PDGFD: variants seen among roughly 807,000 people sequenced by gnomAD.
PDGFD encodes platelet derived growth factor D, also known as platelet-derived growth factor D.
In PDGFD, 30 loss-of-function variants were observed where a neutral mutation model predicts 44.7. The observed-to-expected ratio is 0.67, with a 90% confidence interval of 0.50 to 0.91. The LOEUF is 0.91. Ranked by LOEUF, PDGFD falls within the 40% of genes least tolerant of loss-of-function variation. The pLI, the probability that PDGFD is intolerant of heterozygous loss-of-function variation, is 0.00. For synonymous variants in PDGFD, 173 were observed against 168.4 expected (o/e 1.03, Z -0.21); for missense variants, 445 against 457.8 (o/e 0.97, Z 0.25).
intron 1 of PDGFD, among the ~76,000 whole-genome samples, chr11:104,106,782 T>C (rs902571903): frequency 4.6e-5 from 7 of 151,846 alleles, no homozygotes; most frequent in Admixed American, 4.6e-4. Context: ...CTCACTCTGT[T>C]GCCCAGGTTG....
Position 104,003,636 on chromosome 11 carries a change from G to A in PDGFD, c.125-3381C>T, listed in dbSNP as rs139049901. The stretch of plus-strand genomic sequence containing the variant: ...TTATTGATACTCAAGGATGCTGCCA[G>A]GGGAAACATTTTTAGAGGAATGTAA... On this transcript the variant is annotated intron_variant, in intron 1 of 6. Transcript: ENST00000393158. Among the ~76,000 whole-genome samples, 816 of 152,328 alleles carry A rather than the reference G, an allele frequency of 5.4e-3. 3 individuals carry two copies. The highest frequency in any genetic ancestry group is 0.018 in the African/African-American group (769 of 41,568).
chr11:104,005,597 A>G (rs894811600), intron 1 of PDGFD, among the ~76,000 whole-genome samples: 1 of 152,216 alleles, frequency 6.6e-6, no homozygotes, highest in East Asian at 1.9e-4. Context: ...AACAGCTAAC[A>G]TTTCTGGAGC....
rs1282485605 is a variant in PDGFD at position 104,119,382 on chromosome 11, TATATA to T, written c.124+44417_124+44421del. Among the ~76,000 whole-genome samples the T allele has an allele frequency of 3.1e-3, 12 of 3,874 alleles. 5 individuals carry two copies. The highest frequency in any genetic ancestry group is 0.015 in the Admixed American group (2 of 130). The allele number at this position is 3,874 out of a possible 152,430, so 2.5% of individuals were successfully genotyped here. A position where few individuals can be genotyped will look rare whatever the true frequency, so the allele number is the denominator to read the frequency against. On this transcript the variant is annotated intron_variant, in intron 1 of 6. Transcript: ENST00000393158. ...ATATTGATATAATATATTGATATAA[TATATA>T]ATATGATATAATATATAATATAATA...
intron 1 of PDGFD, among the ~76,000 whole-genome samples, chr11:104,099,789 T>TA (rs1330325176): frequency 6.6e-6 from 1 of 151,890 alleles, no homozygotes; most frequent in African/African-American, 2.4e-5. Context: ...TTATAATTAT[T>TA]AAAAAATGAA....
chr11:104,047,920 CA>C (rs2134403975), intron 1 of PDGFD, among the ~76,000 whole-genome samples: 1 of 152,058 alleles, frequency 6.6e-6, no homozygotes, highest in East Asian at 1.9e-4. Context: ...CATAGTTGGC[CA>C]AATGATTATA....
At chr11:104,074,775 T>C (rs1485316770) in intron 1 of PDGFD, among the ~76,000 whole-genome samples, 3 of 152,126 alleles carry the variant, frequency 2.0e-5, no homozygotes, top group Admixed American at 2.0e-4. Flanking sequence ...AACAAAATTC[T>C]TCAAAAAGGA....
chr11:104,142,842 G>A (rs1268558860), intron 1 of PDGFD, among the ~76,000 whole-genome samples: 1 of 152,184 alleles, frequency 6.6e-6, no homozygotes, highest in Admixed American at 6.5e-5. Flanking sequence ...GGGCAATGAT[G>A]TAGGCTGTGG....
chr11:103,925,260 A>C (rs1243753555), intron 6 of PDGFD, among the ~76,000 whole-genome samples: 1 of 152,178 alleles, frequency 6.6e-6, no homozygotes, highest in African/African-American at 2.4e-5. Context: ...TGCTGCAATA[A>C]ACATATGTGT....
intron 1 of PDGFD, among the ~76,000 whole-genome samples, chr11:104,067,660 A>T (rs1450228551): frequency 1.3e-5 from 2 of 152,136 alleles, no homozygotes; most frequent in Non-Finnish European, 2.9e-5. Flanking sequence ...TAATTCCAAA[A>T]AATATTAGAT....
chr11:104,143,100 T>G (rs780627596), intron 1 of PDGFD, among the ~76,000 whole-genome samples: 2 of 152,194 alleles, frequency 1.3e-5, no homozygotes, highest in Non-Finnish European at 2.9e-5. Flanking sequence ...CAATAGGATA[T>G]TGTCGTTAAT....
At chr11:103,923,245 A>AG (rs1310471658) in intron 6 of PDGFD, among the ~76,000 whole-genome samples, 2 of 152,188 alleles carry the variant, frequency 1.3e-5, no homozygotes, top group African/African-American at 4.8e-5. Flanking sequence ...GTTTAGAAAG[A>AG]GGAAAAATAC....
intron 1 of PDGFD, among the ~76,000 whole-genome samples, chr11:104,145,805 C>T (rs1200713807): frequency 6.6e-6 from 1 of 152,104 alleles, no homozygotes; most frequent in African/African-American, 2.4e-5. Context: ...ATAATTAAGG[C>T]TAAATGAGAT....
intron 3 of PDGFD, among the ~76,000 whole-genome samples, chr11:103,957,375 T>C (rs533403018): frequency 1.3e-5 from 2 of 152,262 alleles, no homozygotes; most frequent in East Asian, 1.9e-4. Context: ...ACTTTAAAGT[T>C]CATGTGGAAT....
At chr11:103,994,849 T>C (rs1859512311) in intron 3 of PDGFD, among the ~76,000 whole-genome samples, 1 of 151,950 alleles carries the variant, frequency 6.6e-6, no homozygotes, top group African/African-American at 2.4e-5. Flanking sequence ...TTATTGTGTC[T>C]TGTTATGCAT....
chr11:104,066,122 A>G (rs1030471666), intron 1 of PDGFD, among the ~76,000 whole-genome samples: 2 of 152,230 alleles, frequency 1.3e-5, no homozygotes, highest in African/African-American at 4.8e-5. Flanking sequence ...ATCAGGGCAT[A>G]GTAAAAATGG....
chr11:104,141,315 T>C (rs1380664371), intron 1 of PDGFD, among the ~76,000 whole-genome samples: 1 of 152,188 alleles, frequency 6.6e-6, no homozygotes, highest in South Asian at 2.1e-4. Flanking sequence ...ATATCTTAGA[T>C]GGCAAAAGAT....
intron 3 of PDGFD, among the ~76,000 whole-genome samples, chr11:103,950,955 A>AT (rs1475226702): frequency 6.6e-6 from 1 of 152,112 alleles, no homozygotes; most frequent in Non-Finnish European, 1.5e-5. Flanking sequence ...TTTTGCTAAG[A>AT]TTTTTTTAAG....
intron 1 of PDGFD, among the ~76,000 whole-genome samples, chr11:104,065,462 G>A (rs1357483992): frequency 6.6e-6 from 1 of 151,996 alleles, no homozygotes. Flanking sequence ...TAGGGAGCAT[G>A]GGATTTTAAA....
At chr11:104,061,894 C>T (rs909578701) in intron 1 of PDGFD, among the ~76,000 whole-genome samples, 9 of 152,210 alleles carry the variant, frequency 5.9e-5, no homozygotes, top group Non-Finnish European at 1.0e-4. Flanking sequence ...AGGCTTGAGC[C>T]ACCATGCCTG....
Sources: gnomAD v4.1 joint callset for allele counts (sites outside exome capture counted in the v4.1 genomes callset) on GRCh38, gnomAD v4.1.1 for gene constraint, MANE v1.5 for transcripts, NCBI Gene and HGNC (gene_info 2026-07-23, HGNC 2026-07-21) for gene names.